Variants in MYO16 observed in about 807,000 individuals in gnomAD.
MYO16 encodes myosin XVI.
Under a neutral mutation model 205.3 loss-of-function variants are expected in MYO16, and 94 were observed. The observed-to-expected ratio is 0.46, with a 90% CI of 0.39 to 0.54. MYO16 has a LOEUF of 0.54. MYO16 is among the 20% of genes least tolerant of loss of function. The pLI is 0.00. For missense variants in MYO16, 2,315 were observed against 2,387.5 expected (o/e 0.97, Z 0.63); for synonymous variants, 988 against 954.0 (o/e 1.04, Z -0.66).
intron 23 of MYO16, among the ~76,000 whole-genome samples, chr13:109,036,844 G>A (rs1043745776): frequency 6.6e-6 from 1 of 152,158 alleles, no homozygotes; most frequent in African/African-American, 2.4e-5. Context: ...GAAAAGGAAG[G>A]CATAAACCCA....
chr13:108,969,739 CCT>C (rs910477646), intron 20 of MYO16, among the ~76,000 whole-genome samples: 10 of 152,236 alleles, frequency 6.6e-5, no homozygotes, highest in African/African-American at 2.4e-4. Flanking sequence ...AGCTCAATCA[CCT>C]CTCTGCCCGA....
the MYO16 span, among the ~76,000 whole-genome samples, chr13:108,527,177 A>G: frequency 2.6e-5 from 4 of 152,192 alleles, no homozygotes; most frequent in Non-Finnish European, 4.4e-5. Flanking sequence ...GCTTTTTGCA[A>G]TGAACAATCA....
At chr13:108,947,688 C>G (rs9587727) in intron 16 of MYO16, among the ~76,000 whole-genome samples, 2,787 of 152,276 alleles carry the variant, frequency 0.018, 91 homozygotes, top group African/African-American at 0.061. Context: ...GTCTCCACCC[C>G]CCGGCTCTCC....
At chr13:109,182,479 T>C (rs1879497888) in intron 34 of MYO16, among the ~76,000 whole-genome samples, 1 of 152,198 alleles carries the variant, frequency 6.6e-6, no homozygotes, top group Admixed American at 6.5e-5. Context: ...CATCAGCCCC[T>C]GAATCCACCT....
intron 1 of MYO16, among the ~76,000 whole-genome samples, chr13:108,607,888 G>C (rs768204659): frequency 2.0e-5 from 3 of 152,064 alleles, no homozygotes; most frequent in Non-Finnish European, 4.4e-5. Context: ...CTTAACTACT[G>C]GTTGTTCTCT....
intron 20 of MYO16, among the ~76,000 whole-genome samples, chr13:108,972,239 CTCTCTCTCTCTATATATATATATA>C (rs1215915242): frequency 6.5e-5 from 1 of 15,478 alleles, no homozygotes; most frequent in Non-Finnish European, 1.3e-4. Flanking sequence ...CTCTCTCTCT[CTCTCTCTCTCTATATATATATATA>C]TATATATATA....
At chr13:108,908,847 C>A (rs1193839588) in intron 15 of MYO16, among the ~76,000 whole-genome samples, 2 of 151,854 alleles carry the variant, frequency 1.3e-5, no homozygotes, top group East Asian at 1.9e-4. Context: ...GTGACACACA[C>A]CTGTGGTCCC....
intron 1 of MYO16, among the ~76,000 whole-genome samples, chr13:108,637,326 AC>A (rs1880300740): frequency 6.6e-6 from 1 of 152,000 alleles, no homozygotes; most frequent in Non-Finnish European, 1.5e-5. Context: ...CTACTTGGGT[AC>A]CCTTCCTTTT....
chr13:108,931,589 T>A (rs754089450), intron 16 of MYO16, among the ~76,000 whole-genome samples: 3 of 152,098 alleles, frequency 2.0e-5, no homozygotes, highest in Non-Finnish European at 2.9e-5. Context: ...ATATTATTCG[T>A]TACATTCCTG....
chr13:108,640,981 G>A (rs1880480401), intron 1 of MYO16, among the ~76,000 whole-genome samples: 1 of 152,288 alleles, frequency 6.6e-6, no homozygotes, highest in South Asian at 2.1e-4. Context: ...GTGATGCTTT[G>A]CTTTCTAAGG....
chr13:108,711,127 C>T (rs970325688), intron 2 of MYO16, among the ~76,000 whole-genome samples: 2 of 152,098 alleles, frequency 1.3e-5, no homozygotes, highest in East Asian at 1.9e-4. Context: ...CTCCATACCA[C>T]GAAACAGGAC....
intron 27 of MYO16, among the ~76,000 whole-genome samples, chr13:109,094,553 T>C (rs1888718955): frequency 6.6e-6 from 1 of 152,196 alleles, no homozygotes; most frequent in Non-Finnish European, 1.5e-5. Context: ...TACTTTAAGC[T>C]CTGGGATACA....
chr13:108,989,387 G>A (rs1884743704), intron 20 of MYO16, among the ~76,000 whole-genome samples: 1 of 152,038 alleles, frequency 6.6e-6, no homozygotes, highest in African/African-American at 2.4e-5. Flanking sequence ...TAGAAAGTGG[G>A]GAATAGTTAA....
Position 109,105,492 on chromosome 13 carries a change from C to A in MYO16, c.3438+4605C>A, listed in dbSNP as rs545109916. Among the ~76,000 whole-genome samples, 65 of 152,200 alleles carry A rather than the reference C, an allele frequency of 4.3e-4. 1 individual carries two copies. Among genetic ancestry groups the A allele is most frequent in the African/African-American group, 1.3e-3 (55 of 41,536 alleles). On this transcript the variant is annotated intron_variant, in intron 28 of 34. Transcript: ENST00000457511. The stretch of plus-strand genomic sequence containing the variant: ...CATCTCAAAACAAACAAACAAAAAA[C>A]TTTTTAAAATTTATTGTTTTGAAAT...
At position 108,964,856 on chromosome 13, in the gene MYO16, G is replaced by A; in HGVS notation, c.2323G>A (p.Val775Met). 4.3e-6 allele frequency: 7 copies of A among 1,612,818 alleles called. No individual in the cohort carries two copies. Among genetic ancestry groups the A allele is most frequent in the Non-Finnish European group, 5.9e-6 (7 of 1,179,448 alleles). Residue 775 changes from valine to methionine, a missense_variant, in exon 20 of 35, where the codon GTG (valine) becomes ATG (methionine). Transcript: ENST00000457511. ...SLYSRLFSFL[V>M]NTMNSCLHSQ... The stretch of plus-strand genomic sequence containing the variant: ...GTACAGTCGTTTGTTTAGCTTTTTG[G>A]TGAATACCATGAATTCTTGCCTCCA...
chr13:109,043,926 G>A (rs1023737095), intron 23 of MYO16, among the ~76,000 whole-genome samples: 3 of 152,184 alleles, frequency 2.0e-5, no homozygotes, highest in African/African-American at 7.2e-5. Context: ...GGGGCTGGAA[G>A]CTTGAAAAGA....
At chr13:108,806,252 A>T (rs1053197447) in intron 6 of MYO16, among the ~76,000 whole-genome samples, 1 of 152,170 alleles carries the variant, frequency 6.6e-6, no homozygotes, top group African/African-American at 2.4e-5. Context: ...CAATGACCAC[A>T]TTTCCTGCTT....
At chr13:108,553,821 A>T in the MYO16 span, among the ~76,000 whole-genome samples, 4 of 152,056 alleles carry the variant, frequency 2.6e-5, no homozygotes. Flanking sequence ...CTCAGCTCCC[A>T]CCTGGGGTCA....
rs544167136 is a variant in MYO16 at position 108,806,374 on chromosome 13, T to C, written c.742-305T>C. Among the ~76,000 whole-genome samples the C allele has an allele frequency of 3.3e-5, 5 of 152,338 alleles. No individual in the cohort carries two copies. In the South Asian group the frequency reaches 8.3e-4, roughly 25 times the overall value. The stretch of plus-strand genomic sequence containing the variant: ...GAAGTGGTAAGCTTTTCAATTATTA[T>C]ATTCTGTATTTTAAAATATTCAGAT... On this transcript the variant is annotated intron_variant, in intron 6 of 34. Transcript: ENST00000457511.
Sources: gnomAD v4.1 joint callset for allele counts (sites outside exome capture counted in the v4.1 genomes callset) on GRCh38, gnomAD v4.1.1 for gene constraint, MANE v1.5 for transcripts, NCBI Gene and HGNC (gene_info 2026-07-23, HGNC 2026-07-21) for gene names.